LRP2: variants seen among roughly 807,000 people sequenced by gnomAD.
LRP2 encodes LDL receptor related protein 2.
Under a neutral mutation model 531.0 loss-of-function variants are expected in LRP2, and 172 were observed. The ratio of observed to expected loss-of-function variants is 0.32; its 90% CI spans 0.29 to 0.37. The LOEUF (loss-of-function observed/expected upper bound fraction) is 0.37. Among genes scored for constraint, LRP2 ranks in the 10% least tolerant of loss-of-function variants. The pLI, the probability that LRP2 is intolerant of heterozygous loss-of-function variation, is 1.00. For synonymous variants in LRP2, 1,992 were observed against 2,027.6 expected (o/e 0.98, Z 0.47); for missense variants, 5,167 against 5,868.3 (o/e 0.88, Z 3.90).
chr2:169,270,373 T>C (rs986935829), intron 16 of LRP2, among the ~76,000 whole-genome samples: 5 of 152,086 alleles, frequency 3.3e-5, no homozygotes, highest in African/African-American at 1.2e-4. Flanking sequence ...TCATCAATGA[T>C]AGACTGGATT....
At chr2:169,244,654 C>G (rs371932690) in intron 22 of LRP2, 39 bp downstream of exon 22, 51 of 1,613,748 alleles carry the variant, frequency 3.2e-5, no homozygotes, top group Non-Finnish European at 5.1e-6. Flanking sequence ...AGTCTATTTA[C>G]GAGGCTGACC....
chr2:169,309,987 T>G (rs1045074562), intron 3 of LRP2, among the ~76,000 whole-genome samples: 4 of 152,182 alleles, frequency 2.6e-5, no homozygotes, highest in Non-Finnish European at 5.9e-5. Flanking sequence ...TTGAAGCAAT[T>G]GTGAATGGGA....
intron 63 of LRP2, among the ~76,000 whole-genome samples, chr2:169,160,176 A>G (rs1206112687): frequency 2.0e-5 from 3 of 152,292 alleles, no homozygotes; most frequent in African/African-American, 7.2e-5. Context: ...TTGCAACCTG[A>G]GGTTAATTTC....
At position 169,289,158 on chromosome 2, in the gene LRP2, A is replaced by G. The variant is rs768964218; in HGVS notation, c.923-13T>C. On this transcript the variant is annotated splice_polypyrimidine_tract_variant and intron_variant, in intron 8 of 78. Transcript: ENST00000649046. ...CACAGAGTCATACCTAAACGAAGAA[A>G]AGAACTTTGTTAAATGAATGGTGAC... 3 of 1,613,918 alleles carry G rather than the reference A, an allele frequency of 1.9e-6. No individual in the cohort carries two copies. In the South Asian group the frequency reaches 3.3e-5, roughly 18 times the overall value.
At position 169,206,031 on chromosome 2, in the gene LRP2, G is replaced by A. The variant is rs1372777913; in HGVS notation, c.7548C>T (p.Pro2516=). The A allele has an allele frequency of 1.2e-6, 2 of 1,614,092 alleles. No homozygotes were observed. Among genetic ancestry groups the A allele is most frequent in the Admixed American group, 1.7e-5 (1 of 60,008 alleles). The part of the protein sequence containing the change: ...VPKPRAIVLD[P]CQGYLYWADW... ...GGAAGATGATGGCATACCCTTGGCAGGGATCTAACACAATTGCTCTTGGTT... is the reference window on the plus strand; with the variant it reads ...GGAAGATGATGGCATACCCTTGGCAAGGATCTAACACAATTGCTCTTGGTT... The change falls in exon 40 of 79, where the codon CCC becomes CCT. Residue 2516 remains proline (P), a synonymous_variant. Transcript: ENST00000649046.
intron 35 of LRP2, among the ~76,000 whole-genome samples, chr2:169,215,339 C>T (rs933459188): frequency 6.6e-6 from 1 of 152,134 alleles, no homozygotes; most frequent in Non-Finnish European, 1.5e-5. Flanking sequence ...CAAAGCAATG[C>T]TTCATCAATA....
chr2:169,275,803 G>A (rs959770308), intron 13 of LRP2, among the ~76,000 whole-genome samples: 2 of 151,910 alleles, frequency 1.3e-5, no homozygotes, highest in South Asian at 4.2e-4. Context: ...TCTGCTTGAT[G>A]GAACTATCAA....
At position 169,277,869 on chromosome 2, in the gene LRP2, C is replaced by A; in HGVS notation, c.1648G>T (p.Asp550Tyr). 1 of 1,614,134 alleles carries A rather than the reference C, an allele frequency of 6.2e-7. No individual in the cohort carries two copies. The highest frequency in any genetic ancestry group is 1.1e-5 in the South Asian group (1 of 91,082). ...CATCCCAGCTTTGTTTTCACCAAGT[C>A]TTTACGGTTGCTGCCATCCATGAAT... ...RAFMDGSNRK[D>Y]LVKTKLGWPA... is the part of the protein sequence containing the mutation. The change falls in exon 13 of 79, where the codon GAC becomes TAC. Residue 550 changes from aspartate (D) to tyrosine (Y), a missense_variant. Around this residue, in one of 6 missense-constraint regions of LRP2, gnomAD observed 2,811 missense variants for 3,058.0 expected, o/e 0.92. Coordinates refer to ENST00000649046, the MANE Select transcript of LRP2 (RefSeq NM_004525.3).
chr2:169,154,501 T>C lies in LRP2; in HGVS notation c.12254A>G (p.Gln4085Arg). ...SEYLQDEEYI[Q>R]AVDYDWDPKD... ...GGGATCCCAATCATAATCAACAGCT[T>C]GGATATATTCCTCATCTTGAAGATA... Residue 4085 changes from glutamine to arginine, a missense_variant, in exon 66 of 79, where the codon CAA becomes CGA. By Grantham distance (43) the Gln-to-Arg change is conservative. Around this residue, in one of 6 missense-constraint regions of LRP2, gnomAD observed 564 missense variants for 747.7 expected, o/e 0.75. Transcript: ENST00000649046. The C allele has an allele frequency of 6.2e-7, 1 of 1,612,918 alleles. No homozygotes were observed. The highest frequency in any genetic ancestry group is 8.5e-7 in the Non-Finnish European group (1 of 1,179,030).
chr2:169,162,882 C>T (rs1322068189), intron 62 of LRP2, among the ~76,000 whole-genome samples: 1 of 152,228 alleles, frequency 6.6e-6, no homozygotes, highest in African/African-American at 2.4e-5. Flanking sequence ...GTGTTCCAGG[C>T]AGCACAGCTG....
chr2:169,317,446 G>A (rs1181338348), intron 3 of LRP2, among the ~76,000 whole-genome samples: 2 of 152,152 alleles, frequency 1.3e-5, no homozygotes, highest in African/African-American at 4.8e-5. Flanking sequence ...TTTGAGACTT[G>A]AGCAGCTTTT....
At chr2:169,320,254 T>A (rs1006536582) in intron 2 of LRP2, among the ~76,000 whole-genome samples, 2 of 152,242 alleles carry the variant, frequency 1.3e-5, no homozygotes, top group African/African-American at 4.8e-5. Flanking sequence ...TACTACATTA[T>A]CGTATTTTTC....
intron 62 of LRP2, among the ~76,000 whole-genome samples, chr2:169,163,772 G>T (rs1686675245): frequency 6.6e-6 from 1 of 152,130 alleles, no homozygotes. Context: ...CAAGAAGTGG[G>T]GTGAGAAAGC....
At chr2:169,171,569 G>A (rs1687007533) in intron 58 of LRP2, among the ~76,000 whole-genome samples, 1 of 152,146 alleles carries the variant, frequency 6.6e-6, no homozygotes, top group African/African-American at 2.4e-5. Flanking sequence ...GCAAACACAA[G>A]TTCTCTCTCC....
intron 19 of LRP2, among the ~76,000 whole-genome samples, chr2:169,255,658 A>T (rs890859645): frequency 6.6e-6 from 1 of 152,228 alleles, no homozygotes; most frequent in Non-Finnish European, 1.5e-5. Context: ...GTTGATGAAT[A>T]TGTGTAATCG....
intron 4 of LRP2, among the ~76,000 whole-genome samples, chr2:169,300,848 T>C (rs1222074325): frequency 1.3e-5 from 2 of 152,078 alleles, no homozygotes; most frequent in African/African-American, 4.8e-5. Context: ...AATGTGGAAC[T>C]GAGTTTGAAG....
chr2:169,281,002 T>C (rs566229690), intron 10 of LRP2, among the ~76,000 whole-genome samples: 5 of 152,332 alleles, frequency 3.3e-5, no homozygotes, highest in Non-Finnish European at 7.3e-5. Flanking sequence ...AAATGATATA[T>C]GAACAAGGTA....
chr2:169,191,352 A>G (rs893742078), intron 48 of LRP2, among the ~76,000 whole-genome samples: 4 of 152,094 alleles, frequency 2.6e-5, no homozygotes, highest in African/African-American at 9.7e-5. Flanking sequence ...TTCTTGTAAT[A>G]CCAATGCCTC....
At chr2:169,144,514 G>GA (rs1183469987) in intron 70 of LRP2, among the ~76,000 whole-genome samples, 2 of 152,132 alleles carry the variant, frequency 1.3e-5, no homozygotes, top group African/African-American at 4.8e-5. Flanking sequence ...GGGTCCAGAG[G>GA]CGGTAGGGAG....
Sources: gnomAD v4.1 joint callset for allele counts (sites outside exome capture counted in the v4.1 genomes callset) on GRCh38, gnomAD v4.1.1 for gene constraint, gnomAD v4.1.1 regional missense constraint, MANE v1.5 for transcripts, NCBI Gene and HGNC (gene_info 2026-07-23, HGNC 2026-07-21) for gene names.